The following WBP1L variants were observed in gnomAD, a reference collection of about 807,000 sequenced individuals.
WBP1L encodes WW domain binding protein 1 like.
A neutral mutation model predicts 33.7 loss-of-function variants in WBP1L; 17 were observed. The ratio of observed to expected loss-of-function variants is 0.50; its 90% CI spans 0.34 to 0.76. WBP1L has a LOEUF of 0.76. Ranked by LOEUF, WBP1L falls within the 30% of genes least tolerant of loss-of-function variation. WBP1L has a pLI of 0.01. For missense variants in WBP1L, 389 were observed against 469.4 expected, an observed-to-expected ratio of 0.83 and a Z score of 1.58; for synonymous variants, 173 against 190.8, an observed-to-expected ratio of 0.91 and a Z score of 0.77.
chr10:102,804,387 C>CAAA (rs10710280), intron 2 of WBP1L, among the ~76,000 whole-genome samples: 4 of 74,562 alleles, frequency 5.4e-5, no homozygotes, highest in African/African-American at 1.1e-4. Context: ...GACCCTGTCT[C>CAAA]AAAAAAAAAA....
chr10:102,769,177 G>T (rs1034767395), intron 1 of WBP1L, among the ~76,000 whole-genome samples: 13 of 152,114 alleles, frequency 8.5e-5, no homozygotes, highest in African/African-American at 1.4e-4. Context: ...TAGAAACAGG[G>T]TCTCCCTATG....
chr10:102,800,676 G>A (rs961794004), intron 2 of WBP1L, among the ~76,000 whole-genome samples: 6 of 152,190 alleles, frequency 3.9e-5, no homozygotes, highest in Non-Finnish European at 8.8e-5. Flanking sequence ...GAAGTCCTCC[G>A]ATCTCCCTCT....
At chr10:102,805,130 A>G (rs1564769279) in intron 2 of WBP1L, among the ~76,000 whole-genome samples, 1 of 151,878 alleles carries the variant, frequency 6.6e-6, no homozygotes, top group Non-Finnish European at 1.5e-5. Context: ...TCTACAAAAA[A>G]TTTAAAAATT....
intron 1 of WBP1L, among the ~76,000 whole-genome samples, chr10:102,785,076 G>C (rs1038997370): frequency 2.0e-5 from 3 of 150,780 alleles, no homozygotes; most frequent in Admixed American, 6.6e-5. Flanking sequence ...GTTTCACCAT[G>C]GTAGCCGGGC....
rs564661157 is a variant in WBP1L, at chr10:102,810,916, C to T, written c.355+862C>T. On this transcript the variant is annotated intron_variant, in intron 3 of 3. Transcript: ENST00000448841. ...CTTTCCCTCCCCTCCCCTCCCCTTC[C>T]TCTTTCTTTTCCTTTCTCTTTCTTA... is the stretch of plus-strand genomic sequence containing the variant. Among the ~76,000 whole-genome samples, 4 of 148,316 alleles carry T rather than the reference C, an allele frequency of 2.7e-5. No individual in the cohort carries two copies. In the South Asian group the frequency reaches 8.7e-4, roughly 32 times the overall value.
At chr10:102,806,979 G>T (rs773441084) in intron 2 of WBP1L, among the ~76,000 whole-genome samples, 14 of 152,072 alleles carry the variant, frequency 9.2e-5, no homozygotes, top group South Asian at 2.1e-4. Flanking sequence ...TCTGTTTTGT[G>T]GGGGAGGGAG....
chr10:102,801,508 A>C (rs898059147), intron 2 of WBP1L, among the ~76,000 whole-genome samples: 1 of 152,348 alleles, frequency 6.6e-6, no homozygotes, highest in East Asian at 1.9e-4. Flanking sequence ...CTGGAGAGAC[A>C]GAATTCTTAC....
intron 1 of WBP1L, among the ~76,000 whole-genome samples, chr10:102,796,385 G>T (rs1338788290): frequency 1.3e-5 from 2 of 152,222 alleles, no homozygotes; most frequent in Non-Finnish European, 2.9e-5. Flanking sequence ...CTGGTTTTCA[G>T]TCCTGTGCTT....
chr10:102,796,350 T>C (rs1437569249), intron 1 of WBP1L, among the ~76,000 whole-genome samples: 1 of 152,158 alleles, frequency 6.6e-6, no homozygotes, highest in African/African-American at 2.4e-5. Flanking sequence ...AGATTTATGG[T>C]GGAAACGTGC....
chr10:102,804,955 A>G (rs1843709587), intron 2 of WBP1L, among the ~76,000 whole-genome samples: 1 of 150,568 alleles, frequency 6.6e-6, no homozygotes, highest in Admixed American at 6.6e-5. Flanking sequence ...TTTCTTTAAA[A>G]CGGGGAAAAC....
intron 3 of WBP1L, among the ~76,000 whole-genome samples, chr10:102,810,483 T>C (rs544165100): frequency 2.0e-5 from 1 of 49,220 alleles, no homozygotes; most frequent in Non-Finnish European, 4.5e-5. Context: ...CCCTCCTTCC[T>C]TCCTTCCCTC....
chr10:102,762,933 A>C (rs1323155544), intron 1 of WBP1L, among the ~76,000 whole-genome samples: 1 of 152,112 alleles, frequency 6.6e-6, no homozygotes, highest in Admixed American at 6.6e-5. Context: ...GGCTGGGTGC[A>C]GTGGCTCACG....
At position 102,779,061 on chromosome 10, in the gene WBP1L, C is replaced by T. The variant is rs562459896; in HGVS notation, c.91-18932C>T. On this transcript the variant is annotated intron_variant, in intron 1 of 3. Coordinates refer to ENST00000448841, the MANE Select transcript of WBP1L (RefSeq NM_001083913.2). ...CCCAAATCCTGGATTTTTCTCACTA[C>T]CTAGACTGTGCGGCTCAATGTCTGA... Among the ~76,000 whole-genome samples, 18 of 152,056 alleles carry T rather than the reference C, an allele frequency of 1.2e-4. No homozygotes were observed. In the South Asian group the frequency reaches 2.3e-3, roughly 19 times the overall value.
Position 102,795,948 on chromosome 10 carries a change from G to T in WBP1L, c.91-2045G>T, listed in dbSNP as rs557733995. On this transcript the variant is annotated intron_variant, in intron 1 of 3. Coordinates refer to ENST00000448841, the MANE Select transcript of WBP1L (RefSeq NM_001083913.2). ...AGATAGCCAGTGTCTCATTTTGTTTGTGGTGGGCATGGGATGGTGAAAACG... is the reference window on the plus strand; with the variant it reads ...AGATAGCCAGTGTCTCATTTTGTTTTTGGTGGGCATGGGATGGTGAAAACG... Among the ~76,000 whole-genome samples, 3 of 152,240 alleles carry T rather than the reference G, an allele frequency of 2.0e-5. No homozygotes were observed. In the East Asian group the frequency reaches 5.8e-4, roughly 29 times the overall value.
intron 1 of WBP1L, among the ~76,000 whole-genome samples, chr10:102,778,260 C>T (rs1843292937): frequency 6.6e-6 from 1 of 152,182 alleles, no homozygotes; most frequent in Non-Finnish European, 1.5e-5. Context: ...TGACAGGAGC[C>T]AGGTGTGCTG....
chr10:102,805,115 C>T, intron 2 of WBP1L, among the ~76,000 whole-genome samples: 1 of 151,918 alleles, frequency 6.6e-6, no homozygotes, highest in Non-Finnish European at 1.5e-5. Context: ...GACCACCCCC[C>T]TATATCTACA....
At chr10:102,768,381 T>TTTG (rs1275326038) in intron 1 of WBP1L, among the ~76,000 whole-genome samples, 1 of 10,380 alleles carries the variant, frequency 9.6e-5, no homozygotes, top group African/African-American at 1.1e-3. Flanking sequence ...GTTTTTTTTT[T>TTTG]TTTTTTTTTT....
intron 1 of WBP1L, among the ~76,000 whole-genome samples, chr10:102,769,702 A>G (rs1843162551): frequency 6.6e-6 from 1 of 152,196 alleles, no homozygotes; most frequent in African/African-American, 2.4e-5. Flanking sequence ...TGCACTGCCT[A>G]TTAGGTGTGT....
At chr10:102,755,989 G>A (rs1590166947) in intron 1 of WBP1L, among the ~76,000 whole-genome samples, 1 of 152,038 alleles carries the variant, frequency 6.6e-6, no homozygotes, top group African/African-American at 2.4e-5. Flanking sequence ...AGCTTGCAGC[G>A]AGCCAAGATG....
Sources: allele counts gnomAD v4.1 joint callset (sites outside exome capture counted in the v4.1 genomes callset), GRCh38; gene constraint gnomAD v4.1.1; transcripts MANE v1.5; gene names NCBI Gene and HGNC (gene_info 2026-07-23, HGNC 2026-07-21).